The following ELAVL3 variants were observed in gnomAD, a reference collection of about 807,000 sequenced individuals.
ELAVL3 encodes the protein ELAV like RNA binding protein 3.
ELAVL3 carries 8 observed loss-of-function variants against 34.2 expected under a neutral mutation model. That is an observed-to-expected ratio of 0.23 (90% CI 0.14 to 0.42). The LOEUF (loss-of-function observed/expected upper bound fraction) is 0.42. Ranked by LOEUF, ELAVL3 falls within the 10% of genes least tolerant of loss-of-function variation. The pLI, the probability that ELAVL3 is intolerant of heterozygous loss-of-function variation, is 1.00. For synonymous variants in ELAVL3, 209 were observed against 222.1 expected (o/e 0.94, Z 0.53); for missense variants, 273 against 518.8 (o/e 0.53, Z 4.60).
At chr19:11,465,246 C>T (rs989902866) in intron 3 of ELAVL3, among the ~76,000 whole-genome samples, 30 of 133,920 alleles carry the variant, frequency 2.2e-4, no homozygotes, top group Admixed American at 2.1e-3. Flanking sequence ...GCACACCACA[C>T]ACATACACAC....
At chr19:11,469,367 G>A (rs932337956) in intron 1 of ELAVL3, among the ~76,000 whole-genome samples, 28 of 152,046 alleles carry the variant, frequency 1.8e-4, no homozygotes, top group Non-Finnish European at 3.7e-4. Flanking sequence ...CCCAAACTCC[G>A]CCTCTCAGGT....
chr19:11,464,415 G>A (rs971319602), intron 3 of ELAVL3, among the ~76,000 whole-genome samples: 3 of 151,400 alleles, frequency 2.0e-5, no homozygotes, highest in African/African-American at 4.9e-5. Flanking sequence ...CTCCTGCCTC[G>A]GCCTCCCAAA....
chr19:11,464,655 G>T (rs1276591557), intron 3 of ELAVL3, among the ~76,000 whole-genome samples: 2 of 57,994 alleles, frequency 3.4e-5, no homozygotes, highest in African/African-American at 6.7e-5. Context: ...ACACATACAT[G>T]ACACACACAT....
chr19:11,478,939 G>A (rs1403991725), intron 1 of ELAVL3, among the ~76,000 whole-genome samples: 1 of 152,018 alleles, frequency 6.6e-6, no homozygotes, highest in Non-Finnish European at 1.5e-5. Context: ...TCCTACTTCT[G>A]GGCCCTTCTT....
At chr19:11,478,338 G>T (rs1327539173) in intron 1 of ELAVL3, among the ~76,000 whole-genome samples, 1 of 152,194 alleles carries the variant, frequency 6.6e-6, no homozygotes, top group African/African-American at 2.4e-5. Flanking sequence ...CCAGAGCTTA[G>T]CGGGACCAGT....
At chr19:11,478,191 G>A (rs1023885937) in intron 1 of ELAVL3, among the ~76,000 whole-genome samples, 14 of 152,140 alleles carry the variant, frequency 9.2e-5, no homozygotes, top group Admixed American at 2.0e-4. Flanking sequence ...CCCTAGAGCC[G>A]AAAGAGTTAC....
intron 1 of ELAVL3, among the ~76,000 whole-genome samples, chr19:11,471,479 G>GT: frequency 6.6e-6 from 1 of 151,788 alleles, no homozygotes; most frequent in Non-Finnish European, 1.5e-5. Flanking sequence ...GGGGCGTGGT[G>GT]GCACACGCCT....
In ELAVL3 at chr19:11,466,079, AT is replaced by A. The variant is rs1205385346; in HGVS notation, c.333+92del. 21 of 1,095,592 alleles carry A rather than the reference AT, an allele frequency of 1.9e-5. No individual in the cohort carries two copies. The highest frequency in any genetic ancestry group is 2.6e-5 in the Non-Finnish European group (19 of 733,326). 67.9% of individuals were successfully genotyped at this position (1,095,592 alleles called of 1,614,324 possible). ...GGATGAGTCCTGAAAGGCAGTGGAC[AT>A]GGATGCATGGGGGCGGGTAGGTGGC... On this transcript the variant is annotated intron_variant, in intron 3 of 6. Transcript: ENST00000359227. This position sits in a 1 kb window ranked among gnomAD's most constrained non-coding sequence, Gnocchi z 5.0.
At chr19:11,470,892 C>T (rs1055379780) in intron 1 of ELAVL3, among the ~76,000 whole-genome samples, 3 of 152,234 alleles carry the variant, frequency 2.0e-5, no homozygotes, top group Admixed American at 1.3e-4. Context: ...GTTACCCAGG[C>T]TGGAGTGCAG....
chr19:11,458,546 G>C lies in ELAVL3; in HGVS notation c.399C>G (p.Pro133=), dbSNP rs1970818528. 6.2e-7 allele frequency: 1 copy of C among 1,614,120 alleles called. No homozygotes were observed. The highest frequency in any genetic ancestry group is 8.5e-7 in the Non-Finnish European group (1 of 1,180,026). ...RDANLYVSGL[P]KTMSQKEMEQ... ...CCATCTCTTTCTGGCTCATGGTCTT[G>C]GGGAGCCCGCTGACGTACAGGTTAG... Residue 133 remains proline, a synonymous_variant, in exon 4 of 7, where the codon CCC becomes CCG. Coordinates refer to ENST00000359227, the MANE Select transcript of ELAVL3 (RefSeq NM_001420.4). This position sits in a 1 kb window ranked among gnomAD's most constrained non-coding sequence, Gnocchi z 7.3.
chr19:11,463,883 C>G (rs1179623528), intron 3 of ELAVL3, among the ~76,000 whole-genome samples: 2 of 151,468 alleles, frequency 1.3e-5, no homozygotes, highest in African/African-American at 2.4e-5. Flanking sequence ...GCAGGAGAAT[C>G]GCTTGAGCCT....
At chr19:11,459,039 T>C (rs1371037054) in intron 3 of ELAVL3, among the ~76,000 whole-genome samples, 1 of 151,896 alleles carries the variant, frequency 6.6e-6, no homozygotes, top group Non-Finnish European at 1.5e-5. Flanking sequence ...CCTCGACCTC[T>C]TGGGCTCAAG....
chr19:11,451,664 C>T lies in ELAVL3; in HGVS notation c.*2862G>A, dbSNP rs1293024109. The T allele has an allele frequency of 6.6e-6, 1 of 151,856 alleles. No homozygotes were observed. Among genetic ancestry groups the T allele is most frequent in the East Asian group, 1.9e-4 (1 of 5,152 alleles). The allele number at this position is 151,856 out of a possible 1,614,324, so 9.4% of individuals were successfully genotyped here. A position where few individuals can be genotyped will look rare whatever the true frequency, so the allele number is the denominator to read the frequency against. On this transcript the variant is annotated 3_prime_UTR_variant, in exon 7 of 7. Coordinates refer to ENST00000359227, the MANE Select transcript of ELAVL3 (RefSeq NM_001420.4). ...AGGGACGTGGAAGCCCCAAGTCCCCCTCGCCTGGGAGCCCCGGCCTGGCCC... is the reference window on the plus strand; with the variant it reads ...AGGGACGTGGAAGCCCCAAGTCCCCTTCGCCTGGGAGCCCCGGCCTGGCCC...
At position 11,466,622 on chromosome 19, in the gene ELAVL3, C is replaced by T. The variant is rs751803404; in HGVS notation, c.215G>A (p.Arg72Gln). The change falls in exon 2 of 7, where the codon CGG (arginine) becomes CAG (glutamine). Residue 72 changes from arginine (R) to glutamine (Q), a missense_variant. Physicochemically the swap from Arg to Gln is conservative, Grantham distance 43. Coordinates refer to ENST00000359227, the MANE Select transcript of ELAVL3 (RefSeq NM_001420.4). The surrounding 1 kb of genome is among the most constrained non-coding windows in gnomAD (Gnocchi z 5.0). ...IGDIESCKLV[R>Q]DKITGQSLGY... is the part of the protein sequence containing the mutation. ...AGCAGCCACACCTGTGATCTTGTCC[C>T]GAACCAACTTGCAGGACTCGATGTC... is the stretch of plus-strand genomic sequence containing the variant. 2 of 1,614,096 alleles carry T rather than the reference C, an allele frequency of 1.2e-6. No homozygotes were observed. The highest frequency in any genetic ancestry group is 1.7e-5 in the Admixed American group (1 of 60,020).
chr19:11,463,344 C>T (rs1258049050), intron 3 of ELAVL3, among the ~76,000 whole-genome samples: 1 of 152,156 alleles, frequency 6.6e-6, no homozygotes, highest in African/African-American at 2.4e-5. Flanking sequence ...GCAAAAACAC[C>T]CAGGGACAGA....
At chr19:11,459,116 AT>A (rs760190894) in intron 3 of ELAVL3, among the ~76,000 whole-genome samples, 1,655 of 125,850 alleles carry the variant, frequency 0.013, 33 homozygotes, top group African/African-American at 0.045. Flanking sequence ...CCTGACCAGC[AT>A]TTTTTTTTTC....
Position 11,455,516 on chromosome 19 carries a change from A to G in ELAVL3, c.753-639T>C, listed in dbSNP as rs564756943. Among the ~76,000 whole-genome samples, 27 of 151,796 alleles carry G rather than the reference A, an allele frequency of 1.8e-4. No individual in the cohort carries two copies. The South Asian group carries it at 5.4e-3, about 30-fold the overall frequency. ...TGATCAGGCTGGTCTCGAACTCCCGACCTCAGGTGATCCGCCCGCTTCGAC... is the reference window on the plus strand; with the variant it reads ...TGATCAGGCTGGTCTCGAACTCCCGGCCTCAGGTGATCCGCCCGCTTCGAC... On this transcript the variant is annotated intron_variant, in intron 6 of 6. Transcript: ENST00000359227.
intron 1 of ELAVL3, among the ~76,000 whole-genome samples, chr19:11,475,858 G>C (rs1333722958): frequency 6.6e-6 from 1 of 151,884 alleles, no homozygotes; most frequent in African/African-American, 2.4e-5. Flanking sequence ...CAGATGACCT[G>C]CCTGCCTTGG....
chr19:11,461,857 G>A (rs1321284771), intron 3 of ELAVL3, among the ~76,000 whole-genome samples: 1 of 152,178 alleles, frequency 6.6e-6, no homozygotes. Context: ...ACAGTGAGTT[G>A]TGAGAGTGTA....
Sources: gnomAD v4.1 joint callset for allele counts (sites outside exome capture counted in the v4.1 genomes callset) on GRCh38, gnomAD v4.1.1 for gene constraint, Gnocchi (gnomAD v3.1) non-coding constraint, MANE v1.5 for transcripts, NCBI Gene and HGNC (gene_info 2026-07-23, HGNC 2026-07-21) for gene names.